DOK6: variants seen among roughly 807,000 people sequenced by gnomAD.
DOK6 encodes downstream of tyrosine kinase 6.
In DOK6, 22 loss-of-function variants were observed where a neutral mutation model predicts 44.0. The observed-to-expected ratio is 0.50, with a 90% confidence interval of 0.36 to 0.71. DOK6 has a LOEUF of 0.71. Among genes scored for constraint, DOK6 ranks in the 30% least tolerant of loss-of-function variants. The pLI is 0.00. For synonymous variants in DOK6, 166 were observed against 145.5 expected (o/e 1.14, Z -1.01); for missense variants, 340 against 416.4 (o/e 0.82, Z 1.60).
chr18:69,458,861 G>A (rs1347676977), intron 1 of DOK6, among the ~76,000 whole-genome samples: 1 of 152,128 alleles, frequency 6.6e-6, no homozygotes, highest in Non-Finnish European at 1.5e-5. Context: ...GGCAGCCAGG[G>A]CGGGTGGATC....
chr18:69,832,894 T>C (rs1398771965), intron 7 of DOK6, among the ~76,000 whole-genome samples: 1 of 151,978 alleles, frequency 6.6e-6, no homozygotes, highest in East Asian at 1.9e-4. Flanking sequence ...CAATATAAAA[T>C]ACTGATGAAA....
intron 1 of DOK6, among the ~76,000 whole-genome samples, chr18:69,521,263 T>A (rs947071612): frequency 6.6e-6 from 1 of 151,890 alleles, no homozygotes; most frequent in Non-Finnish European, 1.5e-5. Context: ...TATATACTTA[T>A]TTGTCATAGT....
At chr18:69,446,517 A>G in intron 1 of DOK6, among the ~76,000 whole-genome samples, 1 of 152,046 alleles carries the variant, frequency 6.6e-6, no homozygotes, top group Non-Finnish European at 1.5e-5. Flanking sequence ...CAATAAACAT[A>G]CATGTACATG....
At chr18:69,499,616 T>G (rs956206174) in intron 1 of DOK6, among the ~76,000 whole-genome samples, 1 of 152,150 alleles carries the variant, frequency 6.6e-6, no homozygotes, top group Non-Finnish European at 1.5e-5. Flanking sequence ...TGTCATCAGT[T>G]TCTGATGGCT....
chr18:69,674,890 T>C (rs555703882), intron 3 of DOK6, among the ~76,000 whole-genome samples: 74 of 152,284 alleles, frequency 4.9e-4, no homozygotes, highest in Admixed American at 6.5e-4. Context: ...GCCTGGCATA[T>C]GGAGAGTTCA....
chr18:69,779,728 G>C (rs1026156144), intron 7 of DOK6, among the ~76,000 whole-genome samples: 5 of 151,518 alleles, frequency 3.3e-5, no homozygotes, highest in Admixed American at 1.3e-4. Flanking sequence ...GTGCATGTGT[G>C]TGTATTTGTG....
In DOK6 at chr18:69,444,327, G is replaced by C. The variant is rs1462523865; in HGVS notation, c.66+43017G>C. Among the ~76,000 whole-genome samples, 3 of 152,230 alleles carry C rather than the reference G, an allele frequency of 2.0e-5. No homozygotes were observed. In the Middle Eastern group the frequency reaches 0.01, roughly 518 times the overall value. ...CTCATGATGGCTGAATATTTGAAGA[G>C]AACTAAAGAAACGTTGTGGATGTAT... On this transcript the variant is annotated intron_variant, in intron 1 of 7. Transcript: ENST00000382713.
At chr18:69,543,173 T>C (rs945884981) in intron 1 of DOK6, among the ~76,000 whole-genome samples, 1 of 151,594 alleles carries the variant, frequency 6.6e-6, no homozygotes, top group Non-Finnish European at 1.5e-5. Context: ...CTCCTTTCAA[T>C]TTACTTTTAT....
At chr18:69,454,995 C>T (rs1979585201) in intron 1 of DOK6, among the ~76,000 whole-genome samples, 2 of 145,724 alleles carry the variant, frequency 1.4e-5, no homozygotes, top group African/African-American at 2.5e-5. Flanking sequence ...ACCAGCATGG[C>T]ACATGTATAC....
At chr18:69,783,826 A>G (rs1376566635) in intron 7 of DOK6, among the ~76,000 whole-genome samples, 2 of 152,240 alleles carry the variant, frequency 1.3e-5, no homozygotes, top group Admixed American at 6.5e-5. Context: ...TTCAAAAAGT[A>G]TAAAATTTTA....
At chr18:69,469,887 C>T (rs1319749976) in intron 1 of DOK6, 4 of 232,388 alleles carry the variant, frequency 1.7e-5, no homozygotes, top group Admixed American at 4.9e-5. Flanking sequence ...CAGGAAGTGA[C>T]GGCATCTGCT....
intron 1 of DOK6, among the ~76,000 whole-genome samples, chr18:69,402,271 A>G (rs1165542313): frequency 1.3e-5 from 2 of 152,040 alleles, no homozygotes; most frequent in South Asian, 2.1e-4. Flanking sequence ...GGTTGTGTCT[A>G]CCTCACTGTT....
chr18:69,498,051 C>A (rs112149371), intron 1 of DOK6, among the ~76,000 whole-genome samples: 1 of 151,958 alleles, frequency 6.6e-6, no homozygotes, highest in East Asian at 1.9e-4. Flanking sequence ...TCTCCACGCA[C>A]ACACAAATAC....
At chr18:69,436,551 G>C (rs1278452165) in intron 1 of DOK6, among the ~76,000 whole-genome samples, 1 of 152,086 alleles carries the variant, frequency 6.6e-6, no homozygotes. Flanking sequence ...TCTTTCTCCA[G>C]TCTATCATTG....
rs988471545 is a variant in DOK6, at chr18:69,799,102, C to T, written c.856+41229C>T. 4.6e-5 allele frequency among the ~76,000 whole-genome samples: 7 copies of T among 151,990 alleles called. No individual in the cohort carries two copies. The South Asian group carries it at 8.3e-4, about 18-fold the overall frequency. ...AAAACTTACATTCAGCATTAACTGT[C>T]ATCATTTTTGCTATTATTATTACCA... On this transcript the variant is annotated intron_variant, in intron 7 of 7. Coordinates refer to ENST00000382713, the MANE Select transcript of DOK6 (RefSeq NM_152721.6).
Position 69,445,264 on chromosome 18 carries a change from T to C in DOK6, c.66+43954T>C, listed in dbSNP as rs75656876. Among the ~76,000 whole-genome samples, 33 of 152,338 alleles carry C rather than the reference T, an allele frequency of 2.2e-4. 2 individuals carry two copies. The East Asian group carries it at 6.2e-3, about 28-fold the overall frequency. On this transcript the variant is annotated intron_variant, in intron 1 of 7. Transcript: ENST00000382713. ...CTATGTATATTATTAGGTTTACCTA[T>C]AGATATAACCAGTTTGAGTACCATT...
In DOK6 at chr18:69,841,109, G is replaced by C. The variant is rs978958304; in HGVS notation, c.857-135G>C. The stretch of plus-strand genomic sequence containing the variant: ...ACCAACTTATCTTGAGCTCAATATT[G>C]AGGATGTGAAAGCTGCTGCCTTGTT... On this transcript the variant is annotated intron_variant, in intron 7 of 7. Transcript: ENST00000382713. The C allele has an allele frequency of 3.6e-5, 39 of 1,086,790 alleles. No homozygotes were observed. The East Asian group carries it at 1.0e-3, about 28-fold the overall frequency. The allele number at this position is 1,086,790 out of a possible 1,614,324, so 67.3% of individuals were successfully genotyped here.
intron 1 of DOK6, among the ~76,000 whole-genome samples, chr18:69,491,247 A>G (rs936779592): frequency 1.3e-5 from 2 of 152,224 alleles, no homozygotes; most frequent in African/African-American, 4.8e-5. Context: ...CAGAACATCT[A>G]TGGAGTTTGC....
At chr18:69,545,431 G>A (rs1252703058) in intron 1 of DOK6, among the ~76,000 whole-genome samples, 5 of 148,068 alleles carry the variant, frequency 3.4e-5, no homozygotes, top group African/African-American at 7.5e-5. Flanking sequence ...GTAAATTTAA[G>A]CCATGTGTGT....
Sources: gnomAD v4.1 joint callset for allele counts (sites outside exome capture counted in the v4.1 genomes callset) on GRCh38, gnomAD v4.1.1 for gene constraint, MANE v1.5 for transcripts, NCBI Gene and HGNC (gene_info 2026-07-23, HGNC 2026-07-21) for gene names.